PTPRS: variants seen among roughly 807,000 people sequenced by gnomAD.
The protein encoded by PTPRS is protein tyrosine phosphatase receptor type S.
PTPRS carries 63 observed loss-of-function variants against 215.3 expected under a neutral mutation model. That is an observed-to-expected ratio of 0.29 (90% confidence interval 0.24 to 0.36). The LOEUF is 0.36. PTPRS is among the 10% of genes least tolerant of loss of function. The probability of loss-of-function intolerance (pLI) is 1.00; values close to 1 mark genes in which losing one functional copy is unlikely to be tolerated. For synonymous variants in PTPRS, 1,404 were observed against 1,191.4 expected (o/e 1.18, Z -3.68); for missense variants, 2,258 against 2,825.8 (o/e 0.80, Z 4.56).
intron 1 of PTPRS, among the ~76,000 whole-genome samples, chr19:5,296,313 G>A (rs1191440911): frequency 6.6e-6 from 1 of 152,114 alleles, no homozygotes; most frequent in Non-Finnish European, 1.5e-5. Context: ...ACCAGCCTGG[G>A]CAATATAGCC....
At chr19:5,230,403 T>A (rs1032959127) in intron 14 of PTPRS, among the ~76,000 whole-genome samples, 4 of 152,132 alleles carry the variant, frequency 2.6e-5, no homozygotes, top group Non-Finnish European at 4.4e-5. Flanking sequence ...GCTTAAGCGA[T>A]CCTCCCACCT....
chr19:5,239,164 GGAGAGA>G (rs36138461), intron 12 of PTPRS, 101 bp from the exon 13 acceptor site: 293 of 433,534 alleles, frequency 6.8e-4, no homozygotes, highest in East Asian at 5.5e-3. Context: ...GGGGGGAGGG[GGAGAGA>G]GAGAGAGAGA....
chr19:5,218,918 G>A, intron 23 of PTPRS, 120 bp from the exon 24 acceptor site: 3 of 1,058,014 alleles, frequency 2.8e-6, no homozygotes, highest in African/African-American at 1.6e-5. Flanking sequence ...TGTGAGCTTT[G>A]GTCTCCTCTG....
At chr19:5,262,808 G>T (rs954133907) in intron 6 of PTPRS, among the ~76,000 whole-genome samples, 156 bp downstream of exon 6, 1 of 152,060 alleles carries the variant, frequency 6.6e-6, no homozygotes, top group African/African-American at 2.4e-5. Flanking sequence ...GGGGCCGGTC[G>T]CGGGGAGGAG....
intron 1 of PTPRS, among the ~76,000 whole-genome samples, chr19:5,292,233 T>A (rs1432009227): frequency 1.3e-5 from 2 of 152,142 alleles, no homozygotes; most frequent in Non-Finnish European, 2.9e-5. Context: ...TGGCACTTTA[T>A]CCACAGCATC....
In PTPRS at chr19:5,289,393, G is replaced by A. The variant is rs376128775; in HGVS notation, c.-94-3159C>T. 3.9e-5 allele frequency among the ~76,000 whole-genome samples: 6 copies of A among 152,012 alleles called. No individual in the cohort carries two copies. In the South Asian group the frequency reaches 6.2e-4, roughly 16 times the overall value. ...CCTCCATCGTGGTCTCCCAGCTCCCGCCCTTGTCCCTTGATCTGTTCCACT... is the reference window on the plus strand; with the variant it reads ...CCTCCATCGTGGTCTCCCAGCTCCCACCCTTGTCCCTTGATCTGTTCCACT... On this transcript the variant is annotated intron_variant, in intron 1 of 37. Coordinates refer to ENST00000262963, the MANE Select transcript of PTPRS (RefSeq NM_002850.4).
intron 9 of PTPRS, among the ~76,000 whole-genome samples, chr19:5,248,946 C>G (rs1485618380): frequency 1.3e-5 from 2 of 152,224 alleles, no homozygotes; most frequent in Non-Finnish European, 2.9e-5. Context: ...GTGAAGTTAC[C>G]TTTCAGCCTC....
intron 30 of PTPRS, 31 bp from the exon 31 acceptor site, chr19:5,212,522 C>A (rs2041001942): frequency 1.3e-6 from 2 of 1,552,490 alleles, no homozygotes; most frequent in Admixed American, 1.9e-5. Context: ...ACCTGTCACT[C>A]CGGCTCAACC....
chr19:5,323,306 C>A (rs1237539011), intron 1 of PTPRS, among the ~76,000 whole-genome samples: 2 of 152,148 alleles, frequency 1.3e-5, no homozygotes, highest in African/African-American at 2.4e-5. Context: ...TTGCATGAAC[C>A]AAGATCACAC....
At position 5,240,162 on chromosome 19, in the gene PTPRS, GC is replaced by G. The variant is rs531193548; in HGVS notation, c.1704+36del. ...CAGCGTCAGAGAGCGCCGGGGAGGA[GC>G]CCAGGGCAGGCCAGCCCGTCCCCGC... On this transcript the variant is annotated intron_variant, in intron 12 of 37. Coordinates refer to ENST00000262963, the MANE Select transcript of PTPRS (RefSeq NM_002850.4). The G allele has an allele frequency of 7.8e-3, 11,624 of 1,487,094 alleles. 57 individuals are homozygous for G. Among genetic ancestry groups the G allele is most frequent in the Non-Finnish European group, 9.5e-3 (10,584 of 1,115,554 alleles). 92.1% of individuals were successfully genotyped at this position (1,487,094 alleles called of 1,614,324 possible).
chr19:5,238,358 C>T (rs1449583453), intron 13 of PTPRS, among the ~76,000 whole-genome samples: 1 of 152,132 alleles, frequency 6.6e-6, no homozygotes, highest in Non-Finnish European at 1.5e-5. Context: ...GAAACCTGGC[C>T]TCGGCTCCGA....
intron 13 of PTPRS, among the ~76,000 whole-genome samples, chr19:5,234,440 A>G (rs1018080419): frequency 3.9e-5 from 6 of 152,168 alleles, no homozygotes; most frequent in African/African-American, 1.4e-4. Flanking sequence ...CAAAATCTTT[A>G]AAGATCACAG....
chr19:5,303,669 G>T (rs957107504), intron 1 of PTPRS, among the ~76,000 whole-genome samples: 22 of 152,032 alleles, frequency 1.4e-4, no homozygotes, highest in African/African-American at 5.1e-4. Context: ...TAATAGGAGT[G>T]AGGACCACGG....
At chr19:5,305,765 AT>A (rs144512818) in intron 1 of PTPRS, among the ~76,000 whole-genome samples, 2,734 of 93,356 alleles carry the variant, frequency 0.029, 46 homozygotes, top group South Asian at 0.053. Flanking sequence ...ATATATATAT[AT>A]TTTTTTTTTA....
At chr19:5,307,897 T>C (rs528701386) in intron 1 of PTPRS, among the ~76,000 whole-genome samples, 1 of 152,294 alleles carries the variant, frequency 6.6e-6, no homozygotes, top group South Asian at 2.1e-4. Flanking sequence ...CCAGTTTACG[T>C]GTTTGTCTAT....
intron 9 of PTPRS, among the ~76,000 whole-genome samples, chr19:5,249,680 A>G (rs1369774337): frequency 1.3e-5 from 2 of 152,194 alleles, no homozygotes; most frequent in Admixed American, 1.3e-4. Flanking sequence ...AGTACCCATC[A>G]CCTATACCAA....
intron 2 of PTPRS, among the ~76,000 whole-genome samples, chr19:5,283,345 G>A (rs763364454): frequency 1.5e-4 from 23 of 152,076 alleles, no homozygotes; most frequent in South Asian, 4.1e-4. Flanking sequence ...GGGAGACCGA[G>A]GTGGGCAGAC....
At chr19:5,223,460 G>C (rs934675312) in intron 17 of PTPRS, among the ~76,000 whole-genome samples, 163 bp from the exon 18 acceptor site, 1 of 151,978 alleles carries the variant, frequency 6.6e-6, no homozygotes, top group Non-Finnish European at 1.5e-5. Context: ...GTGAGATCAC[G>C]GCTCACTGCA....
intron 2 of PTPRS, among the ~76,000 whole-genome samples, chr19:5,276,604 G>A (rs967891281): frequency 2.7e-5 from 4 of 146,792 alleles, no homozygotes; most frequent in South Asian, 2.2e-4. Flanking sequence ...GCAGTGGTGC[G>A]ATCTCGGCTC....
Sources: allele counts gnomAD v4.1 joint callset (sites outside exome capture counted in the v4.1 genomes callset), GRCh38; gene constraint gnomAD v4.1.1; transcripts MANE v1.5; gene names NCBI Gene and HGNC (gene_info 2026-07-23, HGNC 2026-07-21).